DGKI: variants seen among roughly 807,000 people sequenced by gnomAD.
DGKI encodes diacylglycerol kinase iota, also known as DAG kinase iota.
Under a neutral mutation model 147.5 loss-of-function variants are expected in DGKI, and 55 were observed. The ratio of observed to expected loss-of-function variants is 0.37; its 90% CI spans 0.30 to 0.47. The LOEUF (loss-of-function observed/expected upper bound fraction) is 0.47, where lower values mean the gene tolerates loss of function less well. DGKI is among the 20% of genes least tolerant of loss of function. The pLI is 1.00. For missense variants in DGKI, 1,007 were observed against 1,323.8 expected (o/e 0.76, Z 3.71); for synonymous variants, 469 against 477.1 (o/e 0.98, Z 0.22).
chr7:137,795,687 G>A (rs866515893), intron 1 of DGKI, among the ~76,000 whole-genome samples: 2 of 152,206 alleles, frequency 1.3e-5, no homozygotes, highest in East Asian at 3.8e-4. Context: ...GTATTCCCAG[G>A]AAGGATCTGA....
At chr7:137,762,888 G>A (rs572370285) in intron 1 of DGKI, among the ~76,000 whole-genome samples, 1 of 152,222 alleles carries the variant, frequency 6.6e-6, no homozygotes, top group East Asian at 1.9e-4. Flanking sequence ...TTAATATTGT[G>A]GACTGAGTGA....
intron 28 of DGKI, among the ~76,000 whole-genome samples, chr7:137,420,110 G>A (rs186460269): frequency 3.3e-5 from 5 of 152,230 alleles, no homozygotes; most frequent in Middle Eastern, 3.4e-3. Flanking sequence ...TACTGGTATC[G>A]GCTAGGAGCC....
intron 1 of DGKI, among the ~76,000 whole-genome samples, chr7:137,756,242 C>G (rs777107365): frequency 6.6e-6 from 1 of 152,182 alleles, no homozygotes; most frequent in East Asian, 1.9e-4. Context: ...ATGCCAAGAC[C>G]TGCTGTGCCC....
chr7:137,618,151 A>ATATATATATATATATATATATTTTTT, intron 8 of DGKI, among the ~76,000 whole-genome samples: 6 of 10,458 alleles, frequency 5.7e-4, no homozygotes, highest in Non-Finnish European at 1.2e-3. Flanking sequence ...ATATATATAT[A>ATATATATATATATATATATATTTTTT]TTTTTTTTTT....
chr7:137,401,892 T>A (rs546313693), intron 30 of DGKI, among the ~76,000 whole-genome samples: 2 of 152,218 alleles, frequency 1.3e-5, no homozygotes, highest in African/African-American at 4.8e-5. Flanking sequence ...CAGTTGTCAT[T>A]TGAACTCTGC....
intron 27 of DGKI, among the ~76,000 whole-genome samples, chr7:137,445,166 T>C (rs1161880207): frequency 6.6e-6 from 1 of 152,186 alleles, no homozygotes; most frequent in Non-Finnish European, 1.5e-5. Flanking sequence ...TGAAAATAAT[T>C]TTTAGCTACT....
chr7:137,559,427 C>T (rs528473338), intron 19 of DGKI, among the ~76,000 whole-genome samples: 34 of 152,090 alleles, frequency 2.2e-4, no homozygotes, highest in African/African-American at 6.3e-4. Context: ...CATCTAGAGC[C>T]CTGTTTCTTT....
chr7:137,457,934 A>G (rs79113378), intron 27 of DGKI, among the ~76,000 whole-genome samples: 1 of 151,956 alleles, frequency 6.6e-6, no homozygotes, highest in African/African-American at 2.4e-5. Context: ...TAAAAAAAAA[A>G]GCAGCAAATT....
chr7:137,829,125 T>A (rs1585543237), intron 1 of DGKI, among the ~76,000 whole-genome samples: 1 of 152,206 alleles, frequency 6.6e-6, no homozygotes, highest in Non-Finnish European at 1.5e-5. Flanking sequence ...ATAGAACACA[T>A]TCTCTTACAT....
rs191025820 is a variant in DGKI, at chr7:137,399,286, A to G, written c.2921-1873T>C. On this transcript the variant is annotated intron_variant, in intron 30 of 32. Transcript: ENST00000614521. Reference sequence around the variant, plus strand: ...AAATTATTCTATATTTGTTGAATATAAGAACACCTCAGTTATTTTTTGTAT... The same window carrying G: ...AAATTATTCTATATTTGTTGAATATGAGAACACCTCAGTTATTTTTTGTAT... Among the ~76,000 whole-genome samples the G allele has an allele frequency of 4.1e-4, 63 of 152,292 alleles. No homozygotes were observed. In the East Asian group the frequency reaches 6.6e-3, roughly 16 times the overall value.
At chr7:137,535,333 C>T (rs1232727014) in intron 20 of DGKI, among the ~76,000 whole-genome samples, 1 of 152,100 alleles carries the variant, frequency 6.6e-6, no homozygotes, top group Non-Finnish European at 1.5e-5. Flanking sequence ...TATTCAGACC[C>T]TAATTTTCAC....
intron 6 of DGKI, among the ~76,000 whole-genome samples, chr7:137,625,047 C>T (rs1820886226): frequency 2.0e-5 from 3 of 152,216 alleles, no homozygotes; most frequent in South Asian, 2.1e-4. Context: ...ATGACCTTAA[C>T]GTCAGACTCT....
intron 1 of DGKI, among the ~76,000 whole-genome samples, chr7:137,813,754 A>G (rs60644777): frequency 0.091 from 13,848 of 152,218 alleles, 1,793 homozygotes; most frequent in African/African-American, 0.29. Context: ...CATTTTTGGC[A>G]AGATTTTAAC....
intron 22 of DGKI, among the ~76,000 whole-genome samples, chr7:137,485,755 TG>T (rs1426599230): frequency 6.6e-6 from 1 of 152,132 alleles, no homozygotes; most frequent in Non-Finnish European, 1.5e-5. Flanking sequence ...TTATATTTAA[TG>T]TGCATATAAA....
chr7:137,608,903 G>T, intron 10 of DGKI, 63 bp downstream of exon 10: 1 of 1,272,182 alleles, frequency 7.9e-7, no homozygotes, highest in Non-Finnish European at 1.1e-6. Context: ...AATTGGCAGT[G>T]AGAGTTGTGT....
intron 20 of DGKI, among the ~76,000 whole-genome samples, chr7:137,532,455 ATTGT>A (rs925327345): frequency 9.2e-5 from 14 of 152,268 alleles, no homozygotes; most frequent in African/African-American, 2.6e-4. Flanking sequence ...TTATTGCAGA[ATTGT>A]TTGTTTTTCT....
chr7:137,649,446 C>T (rs1000728258), intron 5 of DGKI, among the ~76,000 whole-genome samples: 12 of 152,106 alleles, frequency 7.9e-5, no homozygotes, highest in Admixed American at 6.5e-4. Context: ...CTTTTTATTG[C>T]TCGTCAATAA....
In DGKI at chr7:137,609,583, C is replaced by T. The variant is rs1820297804; in HGVS notation, c.1020G>A (p.Lys340=). The change falls in exon 9 of 33, where the codon AAG becomes AAA. Residue 340 remains lysine, a synonymous_variant. Transcript: ENST00000614521. The part of the protein sequence containing the change: ...PQNSLKASNR[K]KKRTSFKRKA... ...TTCTTTTAAAGCTTGTTCTCTTCTTCTTCCGATTTGAAGCCTTCAGGGAGT... is the reference window on the plus strand; with the variant it reads ...TTCTTTTAAAGCTTGTTCTCTTCTTTTTCCGATTTGAAGCCTTCAGGGAGT... 1.2e-6 allele frequency: 2 copies of T among 1,613,390 alleles called. No individual in the cohort carries two copies. Among genetic ancestry groups the T allele is most frequent in the Admixed American group, 1.7e-5 (1 of 59,920 alleles).
chr7:137,519,347 T>C (rs1816885913), intron 21 of DGKI, among the ~76,000 whole-genome samples: 1 of 152,012 alleles, frequency 6.6e-6, no homozygotes, highest in Non-Finnish European at 1.5e-5. Flanking sequence ...ACGGGAACAA[T>C]GAGCAAGATT....
Sources: gnomAD v4.1 joint callset for allele counts (sites outside exome capture counted in the v4.1 genomes callset) on GRCh38, gnomAD v4.1.1 for gene constraint, MANE v1.5 for transcripts, NCBI Gene and HGNC (gene_info 2026-07-23, HGNC 2026-07-21) for gene names.